Variants in NSF observed in about 807,000 individuals in gnomAD.
NSF encodes vesicle-fusing ATPase.
In NSF, 14 loss-of-function variants were observed where a neutral mutation model predicts 50.3. The observed-to-expected ratio is 0.28, with a 90% confidence interval of 0.18 to 0.44. The LOEUF (loss-of-function observed/expected upper bound fraction) is 0.44. Among genes scored for constraint, NSF ranks in the 20% least tolerant of loss-of-function variants. The probability of loss-of-function intolerance (pLI) is 1.00; values close to 1 mark genes in which losing one functional copy is unlikely to be tolerated. For synonymous variants in NSF, 109 were observed against 175.7 expected (o/e 0.62, Z 3.00); for missense variants, 218 against 504.3 (o/e 0.43, Z 5.44).
intron 17 of NSF, among the ~76,000 whole-genome samples, chr17:46,734,395 TA>T (rs947586687): frequency 4.7e-4 from 69 of 147,456 alleles, no homozygotes; most frequent in Middle Eastern, 3.6e-3. Flanking sequence ...TTCTTTTATC[TA>T]AAAAAAAAAA....
At chr17:46,715,917 C>T (rs17692129) in intron 15 of NSF, among the ~76,000 whole-genome samples, 38,074 of 152,044 alleles carry the variant, frequency 0.25, 5,976 homozygotes, top group Non-Finnish European at 0.33. Flanking sequence ...CCGGATCATC[C>T]GTGCACTCTT....
At chr17:46,679,874 A>G (rs1256044376) in intron 9 of NSF, among the ~76,000 whole-genome samples, 4 of 151,014 alleles carry the variant, frequency 2.6e-5, no homozygotes, top group Non-Finnish European at 5.9e-5. Flanking sequence ...TGTGATGATA[A>G]TAAAAAGGTA....
intron 14 of NSF, among the ~76,000 whole-genome samples, chr17:46,711,627 G>C (rs1238306975): frequency 6.6e-6 from 1 of 152,184 alleles, no homozygotes; most frequent in African/African-American, 2.4e-5. Flanking sequence ...TGAAAGACCA[G>C]TTAGGATTTT....
Position 46,730,052 on chromosome 17 carries a change from A to T in NSF, c.1908+1118A>T, listed in dbSNP as rs77852084. 1.6e-3 allele frequency among the ~76,000 whole-genome samples: 243 copies of T among 152,270 alleles called. 1 individual carries two copies. Among genetic ancestry groups the T allele is most frequent in the African/African-American group, 5.6e-3 (231 of 41,568 alleles). On this transcript the variant is annotated intron_variant, in intron 17 of 20. Coordinates refer to ENST00000398238, the MANE Select transcript of NSF (RefSeq NM_006178.4). ...TATTTTCCCTTTCTCTGATTCCTGCAATATTTTCTTAAGTAAGTAAACGTA... is the reference window on the plus strand; with the variant it reads ...TATTTTCCCTTTCTCTGATTCCTGCTATATTTTCTTAAGTAAGTAAACGTA...
intron 17 of NSF, among the ~76,000 whole-genome samples, chr17:46,732,871 T>TCAG (rs2058963793): frequency 6.6e-6 from 1 of 152,190 alleles, no homozygotes; most frequent in Admixed American, 6.5e-5. Flanking sequence ...CTCTGAGAAC[T>TCAG]CAGCAGCAGC....
intron 17 of NSF, among the ~76,000 whole-genome samples, chr17:46,742,773 G>A (rs983929765): frequency 3.9e-5 from 6 of 152,238 alleles, no homozygotes; most frequent in Middle Eastern, 3.4e-3. Flanking sequence ...GATGATACGT[G>A]GTTTCTACCA....
chr17:46,671,932 G>A, intron 8 of NSF, among the ~76,000 whole-genome samples: 1 of 144,224 alleles, frequency 6.9e-6, no homozygotes, highest in Non-Finnish European at 1.6e-5. Context: ...ATGAGAATAA[G>A]CACGGTCCAT....
intron 13 of NSF, among the ~76,000 whole-genome samples, chr17:46,710,326 G>A (rs906337067): frequency 6.6e-6 from 1 of 151,932 alleles, no homozygotes; most frequent in African/African-American, 2.4e-5. Flanking sequence ...AATGAAGAAG[G>A]GTGCAATTTA....
chr17:46,635,592 G>A (rs1381892068), intron 4 of NSF, among the ~76,000 whole-genome samples: 4 of 92,912 alleles, frequency 4.3e-5, no homozygotes, highest in African/African-American at 1.8e-4. Flanking sequence ...AGCAACTCCT[G>A]TCTACAAGCT....
chr17:46,678,727 C>A (rs976510595), intron 9 of NSF, among the ~76,000 whole-genome samples: 1 of 117,734 alleles, frequency 8.5e-6, no homozygotes, highest in East Asian at 2.3e-4. Context: ...TGCTGAAAAC[C>A]AAAAATGAGA....
At position 46,673,910 on chromosome 17, in the gene NSF, G is replaced by GTGTGTGT. The variant is rs1471807541; in HGVS notation, c.746-504_746-503insTGTGTGT. Among the ~76,000 whole-genome samples the GTGTGTGT allele has an allele frequency of 5.7e-4, 4 of 6,992 alleles. No individual in the cohort carries two copies. In the East Asian group the frequency reaches 6.3e-3, roughly 11 times the overall value. 4.6% of individuals were successfully genotyped at this position (6,992 alleles called of 152,430 possible). ...TTATGGCTGAATAGTATTCCATGGG[G>GTGTGTGT]GTGTGTGTGTGTGTGTGTGTGTGTG... On this transcript the variant is annotated intron_variant, in intron 8 of 20. Coordinates refer to ENST00000398238, the MANE Select transcript of NSF (RefSeq NM_006178.4).
intron 19 of NSF, among the ~76,000 whole-genome samples, chr17:46,755,048 G>A (rs192830798): frequency 8.6e-4 from 131 of 152,362 alleles, no homozygotes; most frequent in East Asian, 2.3e-3. Flanking sequence ...CACAGGGCAC[G>A]CCTGGCCCAA....
chr17:46,733,780 G>A (rs556031903), intron 17 of NSF, among the ~76,000 whole-genome samples: 1 of 152,250 alleles, frequency 6.6e-6, no homozygotes, highest in East Asian at 1.9e-4. Context: ...TACAAAAGAA[G>A]AATTACCACT....
At chr17:46,726,727 C>A in intron 16 of NSF, 112 bp downstream of exon 16, 1 of 914,562 alleles carries the variant, frequency 1.1e-6, no homozygotes, top group Non-Finnish European at 1.8e-6. Flanking sequence ...ATAGAAATAC[C>A]TTTCTTTGTC....
At chr17:46,661,406 T>TTATTATTAC (rs1407366673) in intron 8 of NSF, among the ~76,000 whole-genome samples, 17 of 108,222 alleles carry the variant, frequency 1.6e-4, no homozygotes, top group African/African-American at 5.4e-4. Context: ...ATTATTATTA[T>TTATTATTAC]TATTTTTGAG....
At position 46,722,088 on chromosome 17, in the gene NSF, G is replaced by C. The variant is rs2058836657; in HGVS notation, c.1762-4461G>C. The C allele has an allele frequency of 1.4e-5, 23 of 1,610,964 alleles. No homozygotes were observed. In the South Asian group the frequency reaches 2.5e-4, roughly 18 times the overall value. On this transcript the variant is annotated intron_variant, in intron 15 of 20. Transcript: ENST00000398238. Reference sequence around the variant, plus strand: ...TCCGAGTTCATCTCCAGCTCCAGAAGAGCCTGGGAGATGGCCGGACTCGAA... The same window carrying C: ...TCCGAGTTCATCTCCAGCTCCAGAACAGCCTGGGAGATGGCCGGACTCGAA...
At chr17:46,722,124 T>G (rs1161729400) in intron 15 of NSF, 3 of 1,611,806 alleles carry the variant, frequency 1.9e-6, no homozygotes, top group South Asian at 2.2e-5. Context: ...CTCGTCCGGC[T>G]TCTCGCCATT....
At chr17:46,717,027 A>C (rs765484468) in intron 15 of NSF, among the ~76,000 whole-genome samples, 3 of 152,184 alleles carry the variant, frequency 2.0e-5, no homozygotes, top group Non-Finnish European at 4.4e-5. Context: ...TATATATCAA[A>C]GAGTTATCTA....
intron 15 of NSF, among the ~76,000 whole-genome samples, chr17:46,714,319 G>A (rs916596993): frequency 6.6e-6 from 1 of 152,176 alleles, no homozygotes; most frequent in Non-Finnish European, 1.5e-5. Context: ...ATTTTTTAAA[G>A]TTCTTTCATT....
Sources: gnomAD v4.1 joint callset for allele counts (sites outside exome capture counted in the v4.1 genomes callset) on GRCh38, gnomAD v4.1.1 for gene constraint, MANE v1.5 for transcripts, NCBI Gene and HGNC (gene_info 2026-07-23, HGNC 2026-07-21) for gene names.